The following ARB2A variants were observed in gnomAD, a reference collection of about 807,000 sequenced individuals.
ARB2A encodes the protein ARB2 cotranscriptional regulator A.
At chr5:93,771,337 A>C in the ARB2A span, among the ~76,000 whole-genome samples, 3 of 151,816 alleles carry the variant, frequency 2.0e-5, no homozygotes, top group Admixed American at 1.3e-4. Context: ...CGTTAGACCT[A>C]AAACCATAAA....
the ARB2A span, among the ~76,000 whole-genome samples, chr5:94,110,587 T>C: frequency 7.9e-5 from 12 of 152,350 alleles, no homozygotes; most frequent in Non-Finnish European, 1.6e-4. Context: ...GATCCAAAAA[T>C]ACTCTCTTAC....
At chr5:93,985,576 G>A in the ARB2A span, among the ~76,000 whole-genome samples, 4 of 152,076 alleles carry the variant, frequency 2.6e-5, no homozygotes, top group African/African-American at 7.2e-5. Flanking sequence ...GGCGCGCGCC[G>A]CCACGCCTGA....
At chr5:93,987,934 G>A in the ARB2A span, among the ~76,000 whole-genome samples, 1 of 152,120 alleles carries the variant, frequency 6.6e-6, no homozygotes, top group African/African-American at 2.4e-5. Context: ...AAATCCATCT[G>A]TATACGTTCT....
the ARB2A span, among the ~76,000 whole-genome samples, chr5:93,970,960 C>T: frequency 6.6e-6 from 1 of 151,918 alleles, no homozygotes; most frequent in Non-Finnish European, 1.5e-5. Context: ...TAAGCTCTTA[C>T]TATATTGAAA....
chr5:93,844,454 A>AG, the ARB2A span, among the ~76,000 whole-genome samples: 1 of 152,172 alleles, frequency 6.6e-6, no homozygotes, highest in Non-Finnish European at 1.5e-5. Context: ...AAGAAAAAAA[A>AG]AATCAAAAGG....
chr5:93,842,082 T>C, the ARB2A span, among the ~76,000 whole-genome samples: 13 of 152,200 alleles, frequency 8.5e-5, no homozygotes, highest in East Asian at 5.8e-4. Flanking sequence ...ATGTTTCAAT[T>C]GTTAGGAAAT....
At chr5:93,631,669 CT>C in the ARB2A span, among the ~76,000 whole-genome samples, 1 of 152,110 alleles carries the variant, frequency 6.6e-6, no homozygotes, top group Non-Finnish European at 1.5e-5. Context: ...TAAAATAACA[CT>C]GTTGAAAAGG....
the ARB2A span, among the ~76,000 whole-genome samples, chr5:93,898,117 C>T: frequency 6.6e-6 from 1 of 151,966 alleles, no homozygotes; most frequent in African/African-American, 2.4e-5. Context: ...TTTAAGGATT[C>T]TCATCATAAG....
the ARB2A span, among the ~76,000 whole-genome samples, chr5:93,809,321 C>T: frequency 2.0e-5 from 3 of 152,018 alleles, no homozygotes; most frequent in Non-Finnish European, 4.4e-5. Context: ...GTACACCAAA[C>T]TCCAATGACA....
At chr5:93,646,438 C>G in the ARB2A span, among the ~76,000 whole-genome samples, 1 of 146,700 alleles carries the variant, frequency 6.8e-6, no homozygotes, top group Non-Finnish European at 1.5e-5. Flanking sequence ...ATTACACTTA[C>G]ATATGGTAGC....
the ARB2A span, among the ~76,000 whole-genome samples, chr5:93,782,500 A>T: frequency 6.6e-6 from 1 of 152,156 alleles, no homozygotes. Flanking sequence ...CTTGTTCTGA[A>T]TTACTTCCAG....
the ARB2A span, among the ~76,000 whole-genome samples, chr5:93,959,690 T>G: frequency 6.6e-6 from 1 of 152,188 alleles, no homozygotes; most frequent in Non-Finnish European, 1.5e-5. Context: ...CATTATGTAC[T>G]CCAATGAACT....
chr5:93,634,553 G>C, the ARB2A span, among the ~76,000 whole-genome samples: 1 of 152,174 alleles, frequency 6.6e-6, no homozygotes, highest in Non-Finnish European at 1.5e-5. Flanking sequence ...AACACTGACA[G>C]ATACTCAAAG....
At chr5:93,788,087 TCTGG>T in the ARB2A span, among the ~76,000 whole-genome samples, 2 of 152,150 alleles carry the variant, frequency 1.3e-5, no homozygotes, top group African/African-American at 4.8e-5. Context: ...ATGCTCCTAG[TCTGG>T]CAAAAGTTTA....
the ARB2A span, among the ~76,000 whole-genome samples, chr5:94,010,159 T>C: frequency 6.6e-6 from 1 of 152,154 alleles, no homozygotes; most frequent in Non-Finnish European, 1.5e-5. Context: ...TAAACCTTTC[T>C]ACTTTTTTAA....
the ARB2A span, among the ~76,000 whole-genome samples, chr5:93,677,291 T>C: frequency 9.2e-5 from 14 of 152,208 alleles, 1 homozygote; most frequent in Non-Finnish European, 1.8e-4. Context: ...ATACTCAGCA[T>C]TGAGTGACTC....
the ARB2A span, chr5:93,740,488 A>G: frequency 1.5e-6 from 2 of 1,356,414 alleles, no homozygotes. Context: ...TTAATACTAA[A>G]AGCCCTCAAA....
chr5:93,741,073 AT>A, the ARB2A span: 1 of 1,613,914 alleles, frequency 6.2e-7, no homozygotes. Flanking sequence ...GAAGCGGCAG[AT>A]GGTCGTCTGG....
chr5:93,660,239 C>T, the ARB2A span, among the ~76,000 whole-genome samples: 11 of 151,974 alleles, frequency 7.2e-5, no homozygotes, highest in Non-Finnish European at 1.3e-4. Context: ...TAAAGTTTAC[C>T]GGAGTTAAGT....
Sources: gnomAD v4.1 joint callset for allele counts (sites outside exome capture counted in the v4.1 genomes callset) on GRCh38, gnomAD v4.1.1 for gene constraint, MANE v1.5 for transcripts, NCBI Gene and HGNC (gene_info 2026-07-23, HGNC 2026-07-21) for gene names.